The following ERBIN variants were observed in gnomAD, a reference collection of about 807,000 sequenced individuals.
ERBIN encodes densin-180-like protein.
ERBIN carries 60 observed loss-of-function variants against 158.4 expected under a neutral mutation model. The ratio of observed to expected loss-of-function variants is 0.38; its 90% CI spans 0.31 to 0.47. ERBIN has a LOEUF of 0.47. Among genes scored for constraint, ERBIN ranks in the 20% least tolerant of loss-of-function variants. The pLI, the probability that ERBIN is intolerant of heterozygous loss-of-function variation, is 0.99. For synonymous variants in ERBIN, 594 were observed against 557.2 expected, an observed-to-expected ratio of 1.07 and a Z score of -0.93; for missense variants, 1,610 against 1,648.0, an observed-to-expected ratio of 0.98 and a Z score of 0.40.
In ERBIN at chr5:66,070,528, T is replaced by C. The variant is rs536299377; in HGVS notation, c.3634-1641T>C. ...AGTAACATTTTGTGCTTGTTTTTTTTTAATTTGGAGCCTTTGAATACATTG... is the reference window on the plus strand; with the variant it reads ...AGTAACATTTTGTGCTTGTTTTTTTCTAATTTGGAGCCTTTGAATACATTG... On this transcript the variant is annotated intron_variant, in intron 21 of 25. Transcript: ENST00000284037. Among the ~76,000 whole-genome samples, 12 of 152,316 alleles carry C rather than the reference T, an allele frequency of 7.9e-5. No individual in the cohort carries two copies. In the South Asian group the frequency reaches 2.5e-3, roughly 32 times the overall value.
chr5:66,029,283 T>C (rs1264753930), intron 14 of ERBIN, among the ~76,000 whole-genome samples: 1 of 152,248 alleles, frequency 6.6e-6, no homozygotes, highest in Non-Finnish European at 1.5e-5. Flanking sequence ...TCTAACAAAA[T>C]AGAATGTACA....
chr5:66,046,349 T>G lies in ERBIN; in HGVS notation c.1603-4T>G, dbSNP rs974584231. On this transcript the variant is annotated splice_region_variant and splice_polypyrimidine_tract_variant and intron_variant, in intron 17 of 25. Coordinates refer to ENST00000284037, the MANE Select transcript of ERBIN (RefSeq NM_001253697.2). ...ATGAGCTCTTTATCTTTTCTTTTAC[T>G]TAGACCTCAGAAAGTACTACTACAG... The G allele has an allele frequency of 6.8e-7, 1 of 1,472,610 alleles. No individual in the cohort carries two copies. Among genetic ancestry groups the G allele is most frequent in the African/African-American group, 1.4e-5 (1 of 71,106 alleles). The allele number at this position is 1,472,610 out of a possible 1,614,324, so 91.2% of individuals were successfully genotyped here.
chr5:66,040,127 T>C (rs1484880895), intron 15 of ERBIN, among the ~76,000 whole-genome samples: 1 of 151,904 alleles, frequency 6.6e-6, no homozygotes, highest in East Asian at 1.9e-4. Context: ...ACTTTACGTA[T>C]CCGTAACTTC....
chr5:65,961,520 G>T (rs1747916528), intron 1 of ERBIN, among the ~76,000 whole-genome samples: 3 of 152,144 alleles, frequency 2.0e-5, no homozygotes, highest in Admixed American at 1.3e-4. Context: ...TGTATTAATT[G>T]TAATTATTAA....
At chr5:65,976,965 C>A (rs1360156682) in intron 1 of ERBIN, among the ~76,000 whole-genome samples, 1 of 152,186 alleles carries the variant, frequency 6.6e-6, no homozygotes, top group African/African-American at 2.4e-5. Flanking sequence ...TTTTCCCCAC[C>A]TTTCCCCTCT....
At chr5:65,932,816 A>C (rs1405861679) in intron 1 of ERBIN, among the ~76,000 whole-genome samples, 3 of 151,962 alleles carry the variant, frequency 2.0e-5, no homozygotes, top group African/African-American at 7.3e-5. Context: ...TATTTTTTTG[A>C]GACAGGATCT....
At chr5:66,062,654 T>C (rs1378778306) in intron 21 of ERBIN, among the ~76,000 whole-genome samples, 3 of 152,312 alleles carry the variant, frequency 2.0e-5, no homozygotes, top group Admixed American at 1.3e-4. Flanking sequence ...CTCTGTTTTT[T>C]CCCCATCTTT....
chr5:65,963,776 C>T (rs1748200928), intron 1 of ERBIN, among the ~76,000 whole-genome samples: 1 of 144,968 alleles, frequency 6.9e-6, no homozygotes, highest in African/African-American at 2.5e-5. Flanking sequence ...TTTGGTATGA[C>T]TATTTTCTTT....
chr5:66,009,785 T>C (rs975114674), intron 4 of ERBIN, among the ~76,000 whole-genome samples: 22 of 152,338 alleles, frequency 1.4e-4, no homozygotes, highest in African/African-American at 5.1e-4. Flanking sequence ...TCCTATTTTA[T>C]CATCTTTTTA....
chr5:65,981,652 A>C (rs1580242738), intron 1 of ERBIN, among the ~76,000 whole-genome samples: 1 of 141,478 alleles, frequency 7.1e-6, no homozygotes, highest in East Asian at 2.0e-4. Context: ...TTTAAACAAC[A>C]AAAAAAAAAC....
At chr5:65,931,818 T>TA (rs1743429204) in intron 1 of ERBIN, among the ~76,000 whole-genome samples, 2 of 136,644 alleles carry the variant, frequency 1.5e-5, no homozygotes, top group African/African-American at 5.0e-5. Flanking sequence ...TTCTTTTCTT[T>TA]CTTTTTTTTT....
chr5:65,948,760 G>A (rs1580121968), intron 1 of ERBIN, among the ~76,000 whole-genome samples: 1 of 60,456 alleles, frequency 1.7e-5, no homozygotes, highest in Non-Finnish European at 3.9e-5. Context: ...GTTCTGTTTT[G>A]CGTTTTTTTT....
In ERBIN at chr5:65,926,585, C is replaced by T. The variant is rs930198861; in HGVS notation, c.-279C>T. 3.3e-5 allele frequency: 5 copies of T among 151,494 alleles called. No homozygotes were observed. Among genetic ancestry groups the T allele is most frequent in the African/African-American group, 1.2e-4 (5 of 41,228 alleles). 9.4% of individuals were successfully genotyped at this position (151,494 alleles called of 1,614,324 possible). On this transcript the variant is annotated 5_prime_UTR_variant, in exon 1 of 26. Transcript: ENST00000284037. The stretch of plus-strand genomic sequence containing the variant: ...GTTTTTTTTTTTTTCGGCGGAGATC[C>T]TCGTTGGGGCTGGGAAACTCCTGCA...
chr5:66,037,641 TTAAG>T (rs1757522836), intron 14 of ERBIN, among the ~76,000 whole-genome samples: 1 of 152,080 alleles, frequency 6.6e-6, no homozygotes, highest in Non-Finnish European at 1.5e-5. Context: ...GTGCAAAGAA[TTAAG>T]TAATAGGGTG....
At chr5:65,994,088 A>G (rs1313257423) in intron 3 of ERBIN, among the ~76,000 whole-genome samples, 1 of 152,178 alleles carries the variant, frequency 6.6e-6, no homozygotes, top group Non-Finnish European at 1.5e-5. Flanking sequence ...CTTACAGAGA[A>G]ATCTTTATAT....
In ERBIN at chr5:66,043,555, C is replaced by T. The variant is rs188335985; in HGVS notation, c.1428+357C>T. ...GTAATGATTATTTTCTCCCCTTTCC[C>T]TTTCTTTAATGATTTATTTTTATAA... On this transcript the variant is annotated intron_variant, in intron 16 of 25. Transcript: ENST00000284037. Among the ~76,000 whole-genome samples, 352 of 152,204 alleles carry T rather than the reference C, an allele frequency of 2.3e-3. 1 individual carries two copies. Among genetic ancestry groups the T allele is most frequent in the African/African-American group, 8.1e-3 (335 of 41,560 alleles).
At chr5:65,928,154 G>A (rs973515435) in intron 1 of ERBIN, among the ~76,000 whole-genome samples, 1 of 151,938 alleles carries the variant, frequency 6.6e-6, no homozygotes, top group South Asian at 2.1e-4. Flanking sequence ...TGCTACTTCA[G>A]CTTCATTAAG....
chr5:66,010,424 AC>A (rs556304779), intron 4 of ERBIN, among the ~76,000 whole-genome samples: 135 of 152,248 alleles, frequency 8.9e-4, no homozygotes, highest in African/African-American at 3.0e-3. Flanking sequence ...AGATTTCTCT[AC>A]TGTGAAGTGA....
At chr5:66,012,847 T>C (rs1754352457) in intron 5 of ERBIN, among the ~76,000 whole-genome samples, 1 of 152,234 alleles carries the variant, frequency 6.6e-6, no homozygotes, top group African/African-American at 2.4e-5. Flanking sequence ...GGTTGTTACA[T>C]GGCCCTAACG....
Sources: allele counts gnomAD v4.1 joint callset (sites outside exome capture counted in the v4.1 genomes callset), GRCh38; gene constraint gnomAD v4.1.1; transcripts MANE v1.5; gene names NCBI Gene and HGNC (gene_info 2026-07-23, HGNC 2026-07-21).